Variants in ARSB observed in about 807,000 individuals in gnomAD.
The protein encoded by ARSB is N-acetylgalactosamine-4-sulfatase.
A neutral mutation model predicts 50.9 loss-of-function variants in ARSB; 41 were observed. That is an observed-to-expected ratio of 0.81 (90% confidence interval 0.63 to 1.04). The LOEUF (loss-of-function observed/expected upper bound fraction) is 1.04. Ranked by LOEUF, ARSB falls within the 50% of genes least tolerant of loss-of-function variation. ARSB has a pLI of 0.00. For missense variants in ARSB, 672 were observed against 693.3 expected (o/e 0.97, Z 0.35); for synonymous variants, 269 against 284.8 (o/e 0.94, Z 0.56).
chr5:78,966,416 C>G (rs1752208721), intron 2 of ARSB, among the ~76,000 whole-genome samples: 1 of 152,272 alleles, frequency 6.6e-6, no homozygotes, highest in Non-Finnish European at 1.5e-5. Context: ...CTTTATGTAC[C>G]AGCTGCATTG....
intron 4 of ARSB, among the ~76,000 whole-genome samples, chr5:78,917,801 C>T (rs1749627228): frequency 6.6e-6 from 1 of 152,244 alleles, no homozygotes; most frequent in Non-Finnish European, 1.5e-5. Flanking sequence ...GAGTGAGCCA[C>T]TGTGCCCAGC....
rs562219719 is a variant in ARSB at position 78,850,993 on chromosome 5, A to T, written c.1143-11567T>A. Among the ~76,000 whole-genome samples, 201 of 152,080 alleles carry T rather than the reference A, an allele frequency of 1.3e-3. 1 individual carries two copies. Among genetic ancestry groups the T allele is most frequent in the Middle Eastern group, 0.01 (3 of 294 alleles). ...TGCTAGCGGTCTATCAATTTTGTTG[A>T]TCTTTTCAAAAAACCAGCTCCTGGA... On this transcript the variant is annotated intron_variant, in intron 5 of 7. Transcript: ENST00000264914.
intron 5 of ARSB, among the ~76,000 whole-genome samples, chr5:78,864,855 GC>G (rs1746632298): frequency 6.6e-6 from 1 of 152,228 alleles, no homozygotes; most frequent in Non-Finnish European, 1.5e-5. Flanking sequence ...ATCCAGTGGG[GC>G]AGTCAAATCT....
intron 6 of ARSB, among the ~76,000 whole-genome samples, chr5:78,808,110 A>C (rs1159940425): frequency 1.3e-5 from 2 of 150,762 alleles, no homozygotes; most frequent in Middle Eastern, 3.2e-3. Context: ...AAAAAAAAAA[A>C]AAAAAAAACA....
intron 4 of ARSB, among the ~76,000 whole-genome samples, chr5:78,935,246 T>A (rs898428554): frequency 6.6e-6 from 1 of 152,180 alleles, no homozygotes; most frequent in Non-Finnish European, 1.5e-5. Flanking sequence ...TATTGTATTC[T>A]CAGTAATCAA....
At chr5:78,907,049 T>G (rs968361842) in intron 4 of ARSB, among the ~76,000 whole-genome samples, 8 of 152,258 alleles carry the variant, frequency 5.3e-5, no homozygotes, top group African/African-American at 1.9e-4. Flanking sequence ...ACAGAAAGCA[T>G]AGCCTATGTG....
intron 6 of ARSB, among the ~76,000 whole-genome samples, chr5:78,819,533 C>T (rs1744128192): frequency 6.6e-6 from 1 of 152,210 alleles, no homozygotes; most frequent in Non-Finnish European, 1.5e-5. Flanking sequence ...TCCCACTGTC[C>T]TCTAAAATCT....
chr5:78,780,443 G>A lies in ARSB; in HGVS notation c.1556C>T (p.Pro519Leu). Residue 519 changes from proline (P) to leucine (L), a missense_variant, in exon 8 of 8, where the codon CCC (proline) becomes CTC (leucine). Physicochemically the swap from Pro to Leu is moderately conservative, Grantham distance 98. Transcript: ENST00000264914. ...SVPVYFPAQD[P>L]RCDPKATGVW... ...CCCAGTGGCCTTGGGATCACAGCGG[G>A]GGTCCTGTGCAGGGAAGTACACGGG... is the stretch of plus-strand genomic sequence containing the variant. 6.2e-7 allele frequency: 1 copy of A among 1,614,130 alleles called. No individual in the cohort carries two copies. Among genetic ancestry groups the A allele is most frequent in the Non-Finnish European group, 8.5e-7 (1 of 1,180,020 alleles).
chr5:78,816,813 A>C (rs1296738974), intron 6 of ARSB, among the ~76,000 whole-genome samples: 3 of 152,210 alleles, frequency 2.0e-5, no homozygotes, highest in Non-Finnish European at 4.4e-5. Context: ...CAGGGACTTC[A>C]GTCCTACAAC....
rs758753393 is a variant in ARSB at position 78,985,205 on chromosome 5, G to A, written c.44C>T (p.Pro15Leu). Residue 15 changes from proline to leucine, a missense_variant, in exon 1 of 8, where the codon CCT becomes CTT. Transcript: ENST00000264914. ...GACGACGGGGAGGAGCAGCCGCCGA[G>A]GTCCGGGGCCTCGGGGCAAGCTCGC... ...GAASLPRGPGPRRLLLPVVLP... is the reference protein window; with the variant it reads ...GAASLPRGPGLRRLLLPVVLP... The A allele has an allele frequency of 7.3e-6, 10 of 1,372,804 alleles. No homozygotes were observed. The highest frequency in any genetic ancestry group is 3.5e-5 in the South Asian group (2 of 57,624). 85.0% of individuals were successfully genotyped at this position (1,372,804 alleles called of 1,614,324 possible).
rs760097028 is a variant in ARSB, at chr5:78,841,165, C to CTAA, written c.1143-1740_1143-1739insTTA. On this transcript the variant is annotated intron_variant, in intron 5 of 7. Coordinates refer to ENST00000264914, the MANE Select transcript of ARSB (RefSeq NM_000046.5). ...ACTACTACTACTACTACTACTACTA[C>CTAA]TACTAATAATAATAATAATTTGAGC... Among the ~76,000 whole-genome samples the CTAA allele has an allele frequency of 3.2e-3, 315 of 98,264 alleles. 1 individual carries two copies. Among genetic ancestry groups the CTAA allele is most frequent in the Middle Eastern group, 0.012 (2 of 172 alleles). 64.5% of individuals were successfully genotyped at this position (98,264 alleles called of 152,430 possible).
chr5:78,913,449 G>A (rs1192196344), intron 4 of ARSB, among the ~76,000 whole-genome samples: 1 of 152,196 alleles, frequency 6.6e-6, no homozygotes, highest in African/African-American at 2.4e-5. Flanking sequence ...GTTTCATAAA[G>A]TAGGCCAAGT....
chr5:78,938,738 G>GT (rs1198377690), intron 4 of ARSB, among the ~76,000 whole-genome samples: 5 of 152,186 alleles, frequency 3.3e-5, no homozygotes, highest in Non-Finnish European at 7.3e-5. Flanking sequence ...GAAAAGGGAC[G>GT]TAAGATTTAG....
chr5:78,861,659 C>A (rs1487860695), intron 5 of ARSB, among the ~76,000 whole-genome samples: 2 of 152,158 alleles, frequency 1.3e-5, no homozygotes, highest in East Asian at 3.8e-4. Context: ...CAATATCATA[C>A]TGAATGGGCA....
At chr5:78,948,691 G>A (rs955079177) in intron 4 of ARSB, among the ~76,000 whole-genome samples, 9 of 152,082 alleles carry the variant, frequency 5.9e-5, no homozygotes, top group African/African-American at 7.2e-5. Flanking sequence ...ACCTAGGAGC[G>A]CCTGAACTTC....
chr5:78,795,971 A>C (rs1474458150), intron 6 of ARSB, among the ~76,000 whole-genome samples: 16 of 152,242 alleles, frequency 1.1e-4, no homozygotes, highest in Admixed American at 1.0e-3. Context: ...TGTGCATAGT[A>C]AGTATTCAGA....
At chr5:78,901,078 T>C (rs1393453977) in intron 4 of ARSB, among the ~76,000 whole-genome samples, 3 of 148,916 alleles carry the variant, frequency 2.0e-5, no homozygotes, top group Non-Finnish European at 4.4e-5. Context: ...TCATCAATGA[T>C]GGTTGAATCC....
chr5:78,805,111 C>T (rs1205982244), intron 6 of ARSB, among the ~76,000 whole-genome samples: 2 of 152,184 alleles, frequency 1.3e-5, no homozygotes, highest in African/African-American at 4.8e-5. Context: ...ACAGAGACCC[C>T]GACCAACCAA....
intron 2 of ARSB, among the ~76,000 whole-genome samples, chr5:78,968,794 G>A (rs1237211102): frequency 6.6e-6 from 1 of 152,216 alleles, no homozygotes; most frequent in African/African-American, 2.4e-5. Flanking sequence ...GTGGCATTTA[G>A]AACTCCAACA....
Sources: gnomAD v4.1 joint callset for allele counts (sites outside exome capture counted in the v4.1 genomes callset) on GRCh38, gnomAD v4.1.1 for gene constraint, MANE v1.5 for transcripts, NCBI Gene and HGNC (gene_info 2026-07-23, HGNC 2026-07-21) for gene names.